PTH2R: variants seen among roughly 807,000 people sequenced by gnomAD.
The protein encoded by PTH2R is PTH2 receptor.
A neutral mutation model predicts 60.3 loss-of-function variants in PTH2R; 59 were observed. That is an observed-to-expected ratio of 0.98 (90% confidence interval 0.79 to 1.22). The LOEUF is 1.22. Among genes scored for constraint, PTH2R ranks in the 50% most tolerant of loss-of-function variants. The pLI is 0.00. For synonymous variants in PTH2R, 256 were observed against 243.8 expected (o/e 1.05, Z -0.47); for missense variants, 749 against 682.6 (o/e 1.10, Z -1.08).
intron 1 of PTH2R, among the ~76,000 whole-genome samples, chr2:208,390,588 T>C (rs1292062792): frequency 1.3e-5 from 2 of 152,220 alleles, no homozygotes; most frequent in Non-Finnish European, 2.9e-5. Context: ...GACTTAGTGA[T>C]AGTAAAACAC....
At chr2:208,461,110 A>G (rs925338758) in intron 9 of PTH2R, among the ~76,000 whole-genome samples, 2 of 152,164 alleles carry the variant, frequency 1.3e-5, no homozygotes, top group Non-Finnish European at 2.9e-5. Flanking sequence ...AAAATACAGA[A>G]CACGTTTAGA....
chr2:208,449,382 C>T (rs1702354066), intron 7 of PTH2R, among the ~76,000 whole-genome samples: 1 of 151,814 alleles, frequency 6.6e-6, no homozygotes, highest in African/African-American at 2.4e-5. Flanking sequence ...TTATTTATAT[C>T]ATTTAGAACA....
chr2:208,406,618 CG>C (rs988523164), upstream of PTH2R, among the ~76,000 whole-genome samples: 1 of 152,100 alleles, frequency 6.6e-6, no homozygotes, highest in African/African-American at 2.4e-5. Flanking sequence ...CATTGCGAAT[CG>C]GGGGTGGCGG....
At chr2:208,489,602 G>A (rs1454357678) in intron 11 of PTH2R, among the ~76,000 whole-genome samples, 1 of 152,082 alleles carries the variant, frequency 6.6e-6, no homozygotes, top group Non-Finnish European at 1.5e-5. Flanking sequence ...TCTCGCACAT[G>A]GATTACTCTT....
intron 4 of PTH2R, among the ~76,000 whole-genome samples, chr2:208,440,189 C>T (rs1204894889): frequency 6.6e-6 from 1 of 152,094 alleles, no homozygotes; most frequent in Non-Finnish European, 1.5e-5. Flanking sequence ...TCTGTAGTTG[C>T]AGCTACTTGG....
intron 10 of PTH2R, among the ~76,000 whole-genome samples, chr2:208,484,018 T>G (rs1012350364): frequency 6.6e-6 from 1 of 152,244 alleles, no homozygotes; most frequent in African/African-American, 2.4e-5. Context: ...AATTAAGTAT[T>G]TAAATTTATA....
intron 5 of PTH2R, 131 bp downstream of exon 5, chr2:208,442,592 T>G: frequency 1.4e-6 from 1 of 695,212 alleles, no homozygotes; most frequent in Non-Finnish European, 2.5e-6. Flanking sequence ...CCTAATGTTA[T>G]TATGTTATTT....
intron 6 of PTH2R, 90 bp downstream of exon 6, chr2:208,443,627 C>A: frequency 8.9e-7 from 1 of 1,119,570 alleles, no homozygotes; most frequent in Non-Finnish European, 1.2e-6. Flanking sequence ...TGTTAACTTG[C>A]TTTTACTTAT....
intron 1 of PTH2R, among the ~76,000 whole-genome samples, chr2:208,391,307 A>C (rs190718069): frequency 3.2e-4 from 49 of 152,300 alleles, no homozygotes; most frequent in African/African-American, 1.2e-3. Flanking sequence ...CCTAATTTTG[A>C]AGGTGTATTT....
chr2:208,375,657 C>A lies in PTH2R; in HGVS notation c.-259+15420C>A, dbSNP rs1292622823. 2.0e-5 allele frequency among the ~76,000 whole-genome samples: 3 copies of A among 152,162 alleles called. No individual in the cohort carries two copies. In the East Asian group the frequency reaches 5.8e-4, roughly 29 times the overall value. On this transcript the variant is annotated intron_variant, in intron 1 of 12. Transcript: ENST00000617735. ...ATAGTCTAGATGTACCAGAGCCCAG[C>A]AGCCTGTGAGGTGATGTGATGTGAT...
intron 1 of PTH2R, among the ~76,000 whole-genome samples, chr2:208,394,032 T>A (rs1054601872): frequency 6.6e-6 from 1 of 152,198 alleles, no homozygotes; most frequent in Non-Finnish European, 1.5e-5. Context: ...CTGTTGTGGC[T>A]GCTAAAAGAA....
At chr2:208,410,885 A>G (rs1039289226) in intron 1 of PTH2R, among the ~76,000 whole-genome samples, 2 of 152,170 alleles carry the variant, frequency 1.3e-5, no homozygotes, top group Admixed American at 6.5e-5. Flanking sequence ...CTGCATCTCA[A>G]CGCATGTGTT....
In PTH2R at chr2:208,459,939, C is replaced by T. The variant is rs771695532; in HGVS notation, c.959C>T (p.Ala320Val). 38 of 1,612,918 alleles carry T rather than the reference C, an allele frequency of 2.4e-5. No homozygotes were observed. The highest frequency in any genetic ancestry group is 3.0e-5 in the Non-Finnish European group (35 of 1,179,392). The change falls in exon 9 of 13, where the codon GCA (alanine) becomes GTA (valine). Residue 320 changes from alanine (A) to valine (V), a missense_variant. Coordinates refer to ENST00000272847, the MANE Select transcript of PTH2R (RefSeq NM_005048.4). ...SAGDIKWIYQ[A>V]PILAAIGLNF... The stretch of plus-strand genomic sequence containing the variant: ...GGAGACATCAAGTGGATTTATCAAG[C>T]ACCGATCTTAGCAGCTATTGGGGTA...
intron 1 of PTH2R, among the ~76,000 whole-genome samples, chr2:208,370,464 A>T (rs572309086): frequency 0.015 from 2,177 of 149,228 alleles, 33 homozygotes; most frequent in South Asian, 0.028. Flanking sequence ...AAAAAAAAAA[A>T]AAAAAAAAAA....
chr2:208,381,382 T>G (rs1182166858), intron 1 of PTH2R, among the ~76,000 whole-genome samples: 1 of 152,132 alleles, frequency 6.6e-6, no homozygotes, highest in Non-Finnish European at 1.5e-5. Flanking sequence ...CCTCTTTCAT[T>G]AAGCTTATCA....
At chr2:208,374,158 A>G (rs1253266682) in intron 1 of PTH2R, among the ~76,000 whole-genome samples, 1 of 152,098 alleles carries the variant, frequency 6.6e-6, no homozygotes, top group Non-Finnish European at 1.5e-5. Flanking sequence ...TCAAAGAACA[A>G]CTGTTCTAAA....
chr2:208,469,093 C>T (rs1027808063), intron 9 of PTH2R, among the ~76,000 whole-genome samples: 10 of 152,188 alleles, frequency 6.6e-5, no homozygotes, highest in African/African-American at 9.6e-5. Context: ...TATGATGAAA[C>T]AGACTTTAAC....
intron 9 of PTH2R, among the ~76,000 whole-genome samples, chr2:208,475,255 A>T (rs754401483): frequency 6.6e-6 from 1 of 152,344 alleles, no homozygotes; most frequent in Admixed American, 6.5e-5. Flanking sequence ...ATGTAAATGT[A>T]TAACTAATTT....
rs529471713 is a variant in PTH2R at position 208,377,522 on chromosome 2, C to T, written c.-259+17285C>T. On this transcript the variant is annotated intron_variant, in intron 1 of 12. Coordinates refer to the PTH2R transcript ENST00000617735. ...GGCGGGCCCCCACCTCCCTCCCAGACGGGGCGGCTGGCCGGGCGGGGGCTG... is the reference window on the plus strand; with the variant it reads ...GGCGGGCCCCCACCTCCCTCCCAGATGGGGCGGCTGGCCGGGCGGGGGCTG... Among the ~76,000 whole-genome samples, 53 of 147,442 alleles carry T rather than the reference C, an allele frequency of 3.6e-4. 1 individual carries two copies. The highest frequency in any genetic ancestry group is 5.1e-4 in the Non-Finnish European group (34 of 66,920).
Sources: gnomAD v4.1 joint callset for allele counts (sites outside exome capture counted in the v4.1 genomes callset) on GRCh38, gnomAD v4.1.1 for gene constraint, MANE v1.5 for transcripts, NCBI Gene and HGNC (gene_info 2026-07-23, HGNC 2026-07-21) for gene names.